Variants in PMM2 observed in about 807,000 individuals in gnomAD.
PMM2 encodes mannose-6-phosphate isomerase.
Under a neutral mutation model 33.2 loss-of-function variants are expected in PMM2, and 35 were observed. The ratio of observed to expected loss-of-function variants is 1.06; its 90% confidence interval spans 0.81 to 1.40. PMM2 has a LOEUF of 1.40. Among genes scored for constraint, PMM2 ranks in the 40% most tolerant of loss-of-function variants. The pLI, the probability that PMM2 is intolerant of heterozygous loss-of-function variation, is 0.00. For missense variants in PMM2, 386 were observed against 306.0 expected (o/e 1.26, Z -1.95); for synonymous variants, 153 against 114.7 (o/e 1.33, Z -2.13).
intron 7 of PMM2, among the ~76,000 whole-genome samples, chr16:8,843,477 G>T (rs911606645): frequency 2.7e-5 from 4 of 149,882 alleles, no homozygotes; most frequent in Non-Finnish European, 3.0e-5. Flanking sequence ...GATGGGACAC[G>T]GCTTAGGAGG....
intron 4 of PMM2, chr16:8,807,575 G>C (rs1044764292): frequency 6.6e-6 from 1 of 152,256 alleles, no homozygotes; most frequent in South Asian, 2.1e-4. Context: ...GCTCACTGCA[G>C]CCTCAACCTC....
Position 8,813,038 on chromosome 16 carries a change from T to C in PMM2, c.571T>C (p.Tyr191His), listed in dbSNP as rs1267170921. ...DVFPDGWDKR[Y>H]CLRHVENDGY... ...CTTTCCTGATGGATGGGACAAGAGA[T>C]ACTGTCTGCGACATGTGGAAAATGA... The change falls in exon 7 of 8, where the codon TAC becomes CAC. Residue 191 changes from tyrosine (Y) to histidine (H), a missense_variant. Physicochemically the swap from Tyr to His is moderately conservative, Grantham distance 83 (BLOSUM62 2). Coordinates refer to ENST00000268261, the MANE Select transcript of PMM2 (RefSeq NM_000303.3). The C allele has an allele frequency of 6.2e-7, 1 of 1,613,870 alleles. No homozygotes were observed. Among genetic ancestry groups the C allele is most frequent in the Non-Finnish European group, 8.5e-7 (1 of 1,179,702 alleles).
intron 7 of PMM2, among the ~76,000 whole-genome samples, chr16:8,834,901 T>A (rs1484395446): frequency 3.3e-5 from 5 of 152,094 alleles, no homozygotes; most frequent in Admixed American, 6.5e-5. Context: ...AGGAATAATG[T>A]GGGAGGCCAG....
intron 7 of PMM2, among the ~76,000 whole-genome samples, chr16:8,834,132 T>A (rs1366623366): frequency 6.6e-6 from 1 of 152,158 alleles, no homozygotes; most frequent in Non-Finnish European, 1.5e-5. Flanking sequence ...GGGCTGTACC[T>A]TGTAGCATTC....
intron 7 of PMM2, among the ~76,000 whole-genome samples, chr16:8,814,877 A>G (rs1379222224): frequency 1.3e-5 from 2 of 152,202 alleles, no homozygotes; most frequent in Non-Finnish European, 2.9e-5. Flanking sequence ...TTCTAAGTGT[A>G]CAATACAGTA....
chr16:8,806,247 G>A (rs1185933023), intron 3 of PMM2, 69 bp from the exon 4 acceptor site: 2 of 988,088 alleles, frequency 2.0e-6, no homozygotes, highest in African/African-American at 1.6e-5. Context: ...GAAGACCCTG[G>A]GTTTGCTATG....
chr16:8,834,732 G>A (rs1419397831), intron 7 of PMM2, among the ~76,000 whole-genome samples: 3 of 152,040 alleles, frequency 2.0e-5, no homozygotes, highest in African/African-American at 7.3e-5. Flanking sequence ...CTATAGCATA[G>A]CCTGCCTTTG....
chr16:8,806,283 A>G (rs2060647205), intron 3 of PMM2, 33 bp from the exon 4 acceptor site: 1 of 1,402,932 alleles, frequency 7.1e-7, no homozygotes, highest in Non-Finnish European at 1.0e-6. Context: ...TGCTCCTGCT[A>G]AATCAAGTAA....
At chr16:8,814,085 T>C (rs1019178306) in intron 7 of PMM2, among the ~76,000 whole-genome samples, 3 of 152,052 alleles carry the variant, frequency 2.0e-5, no homozygotes, top group Admixed American at 1.3e-4. Context: ...CAGGCTGGTC[T>C]CAAACCCCTG....
chr16:8,806,240 G>T, intron 3 of PMM2, 76 bp from the exon 4 acceptor site: 1 of 909,346 alleles, frequency 1.1e-6, no homozygotes. Flanking sequence ...CGTGGCTGAA[G>T]ACCCTGGGTT....
chr16:8,842,638 G>A (rs891254829), intron 7 of PMM2, among the ~76,000 whole-genome samples: 3 of 152,172 alleles, frequency 2.0e-5, no homozygotes, highest in Admixed American at 2.0e-4. Flanking sequence ...TGTATGGGTT[G>A]GGCACCACAG....
At chr16:8,845,257 A>G (rs1047171022) in intron 7 of PMM2, among the ~76,000 whole-genome samples, 6 of 152,214 alleles carry the variant, frequency 3.9e-5, no homozygotes, top group African/African-American at 1.2e-4. Flanking sequence ...AGAATTTCAA[A>G]GAACCTTCTT....
In PMM2 at chr16:8,838,493, G is replaced by A. The variant is rs149783039; in HGVS notation, c.640-9231G>A. Among the ~76,000 whole-genome samples, 1,125 of 152,004 alleles carry A rather than the reference G, an allele frequency of 7.4e-3. 25 individuals carry two copies. Among genetic ancestry groups the A allele is most frequent in the African/African-American group, 0.025 (1,038 of 41,466 alleles). ...GGGGGGTGGTATGGAGACAGAATGG[G>A]CGATGTTTCTCAGGGCTGCTTCAAG... is the stretch of plus-strand genomic sequence containing the variant. On this transcript the variant is annotated intron_variant, in intron 7 of 7. Transcript: ENST00000268261.
At chr16:8,846,386 A>G (rs988748594) in intron 7 of PMM2, among the ~76,000 whole-genome samples, 3 of 152,172 alleles carry the variant, frequency 2.0e-5, no homozygotes, top group African/African-American at 7.2e-5. Context: ...TTGTAAAGCA[A>G]TCGTAGATTA....
At chr16:8,835,931 T>A (rs1424974578) in intron 7 of PMM2, among the ~76,000 whole-genome samples, 1 of 151,532 alleles carries the variant, frequency 6.6e-6, no homozygotes, top group Non-Finnish European at 1.5e-5. Context: ...AGGGCGGCAA[T>A]GAGATGTAGC....
chr16:8,847,398 T>G (rs1045500713), intron 7 of PMM2, among the ~76,000 whole-genome samples: 1 of 145,118 alleles, frequency 6.9e-6, no homozygotes, highest in Non-Finnish European at 1.5e-5. Flanking sequence ...AAAAAACTGA[T>G]GGCTGTGAGA....
chr16:8,847,916 C>A lies in PMM2; in HGVS notation c.*91C>A. On this transcript the variant is annotated 3_prime_UTR_variant, in exon 8 of 8. Transcript: ENST00000268261. Reference sequence around the variant, plus strand: ...GAGGGTCCTCCCACACGTGCTCACCCACCCGCAGCCTAGGCAGGCTCTGCA... The same window carrying A: ...GAGGGTCCTCCCACACGTGCTCACCAACCCGCAGCCTAGGCAGGCTCTGCA... 1.1e-6 allele frequency: 1 copy of A among 928,768 alleles called. No homozygotes were observed. Among genetic ancestry groups the A allele is most frequent in the Non-Finnish European group, 1.7e-6 (1 of 581,618 alleles). The allele number at this position is 928,768 out of a possible 1,614,324, so 57.5% of individuals were successfully genotyped here. A position where few individuals can be genotyped will look rare whatever the true frequency, so the allele number is the denominator to read the frequency against.
At chr16:8,811,038 A>T (rs1246717485) in intron 4 of PMM2, 41 bp from the exon 5 acceptor site, 2 of 1,204,502 alleles carry the variant, frequency 1.7e-6, no homozygotes, top group Non-Finnish European at 2.4e-6. Flanking sequence ...CCAAATGAAT[A>T]ACGTGTTTTT....
chr16:8,839,801 T>C lies in PMM2; in HGVS notation c.640-7923T>C, dbSNP rs142292872. Among the ~76,000 whole-genome samples, 383 of 151,820 alleles carry C rather than the reference T, an allele frequency of 2.5e-3. 3 individuals are homozygous for C. Among genetic ancestry groups the C allele is most frequent in the Non-Finnish European group, 4.6e-3 (314 of 67,910 alleles). ...TACCTAGGGGAATTCCAGTGGGTCTTTGCCGAGAGATACATATAGGAGCGG... is the reference window on the plus strand; with the variant it reads ...TACCTAGGGGAATTCCAGTGGGTCTCTGCCGAGAGATACATATAGGAGCGG... On this transcript the variant is annotated intron_variant, in intron 7 of 7. Coordinates refer to ENST00000268261, the MANE Select transcript of PMM2 (RefSeq NM_000303.3).
Sources: gnomAD v4.1 joint callset for allele counts (sites outside exome capture counted in the v4.1 genomes callset) on GRCh38, gnomAD v4.1.1 for gene constraint, MANE v1.5 for transcripts, NCBI Gene and HGNC (gene_info 2026-07-23, HGNC 2026-07-21) for gene names.